MBNL1: variants seen among roughly 807,000 people sequenced by gnomAD.
MBNL1 encodes muscleblind like splicing regulator 1.
A neutral mutation model predicts 42.2 loss-of-function variants in MBNL1; 8 were observed. That is an observed-to-expected ratio of 0.19 (90% CI 0.11 to 0.34). The LOEUF (loss-of-function observed/expected upper bound fraction) is 0.34. Among genes scored for constraint, MBNL1 ranks in the 10% least tolerant of loss-of-function variants. The pLI, the probability that MBNL1 is intolerant of heterozygous loss-of-function variation, is 1.00. For synonymous variants in MBNL1, 169 were observed against 173.9 expected, an observed-to-expected ratio of 0.97 and a Z score of 0.22; for missense variants, 309 against 495.3, an observed-to-expected ratio of 0.62 and a Z score of 3.57.
At chr3:152,375,842 C>G (rs2096875968) in intron 2 of MBNL1, among the ~76,000 whole-genome samples, 2 of 151,638 alleles carry the variant, frequency 1.3e-5, no homozygotes, top group Admixed American at 1.3e-4. Flanking sequence ...AGACTGAGTA[C>G]TTAAATTTCT....
chr3:152,405,560 A>G (rs935727983), intron 2 of MBNL1, among the ~76,000 whole-genome samples: 6 of 152,216 alleles, frequency 3.9e-5, no homozygotes, highest in Admixed American at 2.0e-4. Flanking sequence ...TAAATGTACT[A>G]GGAACTAGTC....
intron 2 of MBNL1, among the ~76,000 whole-genome samples, chr3:152,260,783 G>C (rs1177736367): frequency 2.0e-5 from 3 of 152,148 alleles, no homozygotes; most frequent in Non-Finnish European, 2.9e-5. Flanking sequence ...GACCACTAAT[G>C]CTTACCCGGC....
intron 2 of MBNL1, among the ~76,000 whole-genome samples, chr3:152,258,697 TTAGTCACTGAGTAATC>T (rs1339079025): frequency 6.6e-6 from 1 of 152,256 alleles, no homozygotes; most frequent in Admixed American, 6.5e-5. Context: ...TGTTTTCCTT[TTAGTCACTGAGTAATC>T]TAGTCATAAA....
chr3:152,415,136 C>T, intron 3 of MBNL1, 25 bp downstream of exon 3: 2 of 1,539,170 alleles, frequency 1.3e-6, no homozygotes, highest in South Asian at 2.5e-5. Flanking sequence ...AGTCTTCACT[C>T]ATTAAGTTTT....
At chr3:152,337,988 G>A (rs200351617) in intron 2 of MBNL1, 3 of 572,032 alleles carry the variant, frequency 5.2e-6, no homozygotes, top group African/African-American at 4.7e-5. Context: ...AGCACCCTGG[G>A]ATTTTTTTTT....
At chr3:152,453,930 C>T (rs1728542409) in intron 6 of MBNL1, among the ~76,000 whole-genome samples, 1 of 152,106 alleles carries the variant, frequency 6.6e-6, no homozygotes, top group African/African-American at 2.4e-5. Flanking sequence ...TTTAATATTA[C>T]TTAATTATCA....
chr3:152,295,200 A>T (rs1230413741), intron 1 of MBNL1, among the ~76,000 whole-genome samples: 3 of 152,246 alleles, frequency 2.0e-5, no homozygotes, highest in African/African-American at 7.2e-5. Flanking sequence ...CTTTTGAAGT[A>T]AATAGAATTT....
chr3:152,353,360 T>A (rs1384449263), intron 2 of MBNL1, among the ~76,000 whole-genome samples: 1 of 152,212 alleles, frequency 6.6e-6, no homozygotes, highest in Non-Finnish European at 1.5e-5. Flanking sequence ...TTACGCTTAG[T>A]GTCTTTTGGC....
At chr3:152,268,763 G>A (rs1293842984), upstream of MBNL1, 7 of 454,720 alleles carry the variant, frequency 1.5e-5, no homozygotes, top group Non-Finnish European at 3.1e-5. Context: ...AGCGCGGGAG[G>A]GCGCCGGCGG....
At chr3:152,427,543 T>C (rs116981538) in intron 3 of MBNL1, among the ~76,000 whole-genome samples, 1 of 152,120 alleles carries the variant, frequency 6.6e-6, no homozygotes, top group African/African-American at 2.4e-5. Flanking sequence ...CCAGACCCAC[T>C]GTGCCTGGCC....
Position 152,306,312 on chromosome 3 carries a change from C to T in MBNL1, c.174+5945C>T, listed in dbSNP as rs532544947. On this transcript the variant is annotated intron_variant, in intron 2 of 9. Coordinates refer to ENST00000324210, the MANE Select transcript of MBNL1 (RefSeq NM_021038.5). ...ACAAATTAGGGGTTTATATTTCAGT[C>T]GTCTAGGTCTATTTGGCGACTCTAT... 2.6e-5 allele frequency among the ~76,000 whole-genome samples: 4 copies of T among 152,306 alleles called. No homozygotes were observed. In the East Asian group the frequency reaches 5.8e-4, roughly 22 times the overall value.
intron 1 of MBNL1, among the ~76,000 whole-genome samples, chr3:152,279,647 T>C (rs559771121): frequency 6.6e-6 from 1 of 152,200 alleles, no homozygotes; most frequent in Admixed American, 6.5e-5. Flanking sequence ...TGGTATGGAG[T>C]TGCAGTATCA....
chr3:152,303,896 G>C lies in MBNL1; in HGVS notation c.174+3529G>C, dbSNP rs971279211. 9.7e-4 allele frequency among the ~76,000 whole-genome samples: 147 copies of C among 152,136 alleles called. 2 individuals are homozygous for C. Among genetic ancestry groups the C allele is most frequent in the Admixed American group, 9.6e-3 (146 of 15,284 alleles). ...AATCTAGCAAAATTCTTTTACCTTT[G>C]AAAACTTTAGTCACTTGTTCCTTTA... On this transcript the variant is annotated intron_variant, in intron 2 of 9. Coordinates refer to ENST00000324210, the MANE Select transcript of MBNL1 (RefSeq NM_021038.5).
intron 8 of MBNL1, 194 bp from the exon 9 acceptor site, chr3:152,459,077 A>G: frequency 4.6e-6 from 2 of 434,700 alleles, no homozygotes; most frequent in East Asian, 3.7e-5. Context: ...AGTATTTAAC[A>G]TGAAGATTTT....
At chr3:152,396,948 A>G (rs2097977634) in intron 2 of MBNL1, among the ~76,000 whole-genome samples, 3 of 152,230 alleles carry the variant, frequency 2.0e-5, no homozygotes. Flanking sequence ...ATGGGGGTAT[A>G]GCATGTTCCT....
intron 2 of MBNL1, among the ~76,000 whole-genome samples, chr3:152,361,444 G>A (rs752369476): frequency 6.7e-6 from 1 of 150,244 alleles, no homozygotes; most frequent in Non-Finnish European, 1.5e-5. Context: ...GAAGACATAC[G>A]AGATTGAGGC....
At chr3:152,376,223 G>T (rs1325520455) in intron 2 of MBNL1, among the ~76,000 whole-genome samples, 1 of 152,118 alleles carries the variant, frequency 6.6e-6, no homozygotes, top group Non-Finnish European at 1.5e-5. Context: ...TTCTATTTAT[G>T]ATAGAAATAT....
chr3:152,321,941 A>T (rs542131783), intron 2 of MBNL1, among the ~76,000 whole-genome samples: 1 of 152,192 alleles, frequency 6.6e-6, no homozygotes, highest in African/African-American at 2.4e-5. Context: ...ATCTGGACAT[A>T]TCAGTAATCT....
chr3:152,394,580 T>C (rs2097851337), intron 2 of MBNL1, among the ~76,000 whole-genome samples: 1 of 151,258 alleles, frequency 6.6e-6, no homozygotes, highest in Non-Finnish European at 1.5e-5. Flanking sequence ...TGAGATCTAC[T>C]CTTTCCTTTA....
Sources: gnomAD v4.1 joint callset for allele counts (sites outside exome capture counted in the v4.1 genomes callset) on GRCh38, gnomAD v4.1.1 for gene constraint, MANE v1.5 for transcripts, NCBI Gene and HGNC (gene_info 2026-07-23, HGNC 2026-07-21) for gene names.